TSNARE1: variants seen among roughly 807,000 people sequenced by gnomAD.
TSNARE1 encodes the protein t-SNARE domain containing 1.
In TSNARE1, 49 loss-of-function variants were observed where a neutral mutation model predicts 62.0. The observed-to-expected ratio is 0.79, with a 90% CI of 0.63 to 1.00. The LOEUF is 1.00. Ranked by LOEUF, TSNARE1 falls within the 50% of genes least tolerant of loss-of-function variation. The pLI, the probability that TSNARE1 is intolerant of heterozygous loss-of-function variation, is 0.00. For synonymous variants in TSNARE1, 328 were observed against 294.4 expected (o/e 1.11, Z -1.17); for missense variants, 755 against 700.1 (o/e 1.08, Z -0.88).
intron 9 of TSNARE1, among the ~76,000 whole-genome samples, chr8:142,309,895 T>G (rs1827297288): frequency 1.3e-5 from 2 of 152,330 alleles, no homozygotes; most frequent in East Asian, 3.9e-4. Context: ...TGTGGGATAT[T>G]TTTAAATTAT....
chr8:142,295,519 C>T lies in TSNARE1; in HGVS notation c.1290+4967G>A, dbSNP rs182219328. Among the ~76,000 whole-genome samples the T allele has an allele frequency of 1.6e-3, 246 of 152,346 alleles. 2 individuals carry two copies. The highest frequency in any genetic ancestry group is 5.5e-3 in the African/African-American group (230 of 41,578). On this transcript the variant is annotated intron_variant, in intron 10 of 13. Coordinates refer to ENST00000524325, the MANE Select transcript of TSNARE1 (RefSeq NM_145003.5). ...CCAGCACCATGGAGAGGGCCAGGGC[C>T]CCATGCAGGCCAAAGACGGCTGCCC... is the stretch of plus-strand genomic sequence containing the variant.
At chr8:142,233,443 C>G (rs1263954372) in intron 12 of TSNARE1, among the ~76,000 whole-genome samples, 2 of 152,208 alleles carry the variant, frequency 1.3e-5, no homozygotes, top group Non-Finnish European at 2.9e-5. Context: ...CGGTTCTACC[C>G]TGCCTCAGTG....
intron 12 of TSNARE1, among the ~76,000 whole-genome samples, chr8:142,240,269 T>G (rs1563770253): frequency 6.6e-6 from 1 of 152,266 alleles, no homozygotes; most frequent in Non-Finnish European, 1.5e-5. Flanking sequence ...CACTTTATAA[T>G]GCTGAAAGGT....
chr8:142,274,212 G>A lies in TSNARE1; in HGVS notation c.1446+569C>T, dbSNP rs932566305. 1.9e-5 allele frequency: 19 copies of A among 985,332 alleles called. No individual in the cohort carries two copies. The African/African-American group carries it at 3.0e-4, about 15-fold the overall frequency. 61.0% of individuals were successfully genotyped at this position (985,332 alleles called of 1,614,324 possible). A position where few individuals can be genotyped will look rare whatever the true frequency, so the allele number is the denominator to read the frequency against. On this transcript the variant is annotated intron_variant, in intron 12 of 13. Coordinates refer to ENST00000524325, the MANE Select transcript of TSNARE1 (RefSeq NM_145003.5). ...CAGAGCCAGTGAGGGGAAGACAGCG[G>A]CTGGGCCTCCATCTCAGCTGGGCCA... is the stretch of plus-strand genomic sequence containing the variant.
At chr8:142,251,118 A>G (rs1818139349) in intron 12 of TSNARE1, among the ~76,000 whole-genome samples, 1 of 152,124 alleles carries the variant, frequency 6.6e-6, no homozygotes, top group African/African-American at 2.4e-5. Context: ...TGAGGCCCAG[A>G]GTCACCGGGC....
chr8:142,339,165 G>A (rs1471877860), intron 4 of TSNARE1, among the ~76,000 whole-genome samples: 1 of 152,104 alleles, frequency 6.6e-6, no homozygotes, highest in Non-Finnish European at 1.5e-5. Flanking sequence ...GCACCACTAG[G>A]GGTCCTCAAG....
At chr8:142,247,085 G>C (rs565643885) in intron 12 of TSNARE1, among the ~76,000 whole-genome samples, 42 of 152,198 alleles carry the variant, frequency 2.8e-4, no homozygotes, top group Non-Finnish European at 5.1e-4. Context: ...TGCCAGTCCT[G>C]AGCCAAAGGT....
In TSNARE1 at chr8:142,380,577, C is replaced by G. The variant is rs552881288; in HGVS notation, c.-40+22527G>C. Among the ~76,000 whole-genome samples the G allele has an allele frequency of 4.0e-5, 6 of 150,688 alleles. No homozygotes were observed. In the South Asian group the frequency reaches 1.3e-3, roughly 32 times the overall value. ...TTCTCACAGCAGCCCCTCCATGGGG[C>G]TCCCCAGCCAGACTGTAGGCTCCCT... On this transcript the variant is annotated intron_variant, in intron 1 of 13. Transcript: ENST00000524325.
At chr8:142,334,532 T>C (rs915204698) in intron 4 of TSNARE1, among the ~76,000 whole-genome samples, 3 of 152,052 alleles carry the variant, frequency 2.0e-5, no homozygotes, top group African/African-American at 7.2e-5. Flanking sequence ...CAAAAAGAAT[T>C]GCCAGAAATA....
chr8:142,220,534 C>T (rs72687312), intron 13 of TSNARE1, among the ~76,000 whole-genome samples: 10,518 of 152,260 alleles, frequency 0.069, 488 homozygotes, highest in Middle Eastern at 0.12. Context: ...CCCGGGTGGC[C>T]TCCAGGTTAG....
chr8:142,231,418 G>A (rs1313115564), intron 12 of TSNARE1, among the ~76,000 whole-genome samples: 2 of 152,178 alleles, frequency 1.3e-5, no homozygotes, highest in Non-Finnish European at 2.9e-5. Flanking sequence ...TAAGGGGTTG[G>A]GGGGTGGCCA....
intron 12 of TSNARE1, among the ~76,000 whole-genome samples, chr8:142,259,797 G>C (rs532903225): frequency 6.6e-6 from 1 of 152,176 alleles, no homozygotes; most frequent in Non-Finnish European, 1.5e-5. Flanking sequence ...TTAGAATACC[G>C]AGTTGCTAAG....
At chr8:142,270,142 C>T (rs1819390061) in intron 12 of TSNARE1, 1 of 985,324 alleles carries the variant, frequency 1.0e-6, no homozygotes, top group Admixed American at 6.1e-5. Context: ...CTCCTGCTCG[C>T]TCCCGACGGC....
intron 12 of TSNARE1, among the ~76,000 whole-genome samples, chr8:142,251,972 G>C (rs1472504333): frequency 6.9e-6 from 1 of 143,890 alleles, no homozygotes; most frequent in Non-Finnish European, 1.5e-5. Context: ...TCTGTCTTCA[G>C]GGCCCGGGCA....
rs1816352233 is a variant in TSNARE1, at chr8:142,222,332, T to TCATC, written c.*11+7140_*11+7141insGATG. Among the ~76,000 whole-genome samples, 3 of 28,174 alleles carry TCATC rather than the reference T, an allele frequency of 1.1e-4. 1 individual carries two copies. The South Asian group carries it at 3.1e-3, about 29-fold the overall frequency. 18.5% of individuals were successfully genotyped at this position (28,174 alleles called of 152,430 possible). A position where few individuals can be genotyped will look rare whatever the true frequency, so the allele number is the denominator to read the frequency against. On this transcript the variant is annotated intron_variant, in intron 13 of 13. Transcript: ENST00000524325. ...CTCACTCATCCACTAATTCACTCAC[T>TCATC]CGCTCACTCATCCACTCACTCACTC... is the stretch of plus-strand genomic sequence containing the variant.
At chr8:142,323,793 T>C (rs574015833) in intron 6 of TSNARE1, among the ~76,000 whole-genome samples, 2 of 152,234 alleles carry the variant, frequency 1.3e-5, no homozygotes, top group Admixed American at 6.5e-5. Flanking sequence ...CAACAACAAA[T>C]AGAGTGCCCC....
intron 12 of TSNARE1, among the ~76,000 whole-genome samples, chr8:142,244,950 C>G (rs959309326): frequency 1.3e-5 from 2 of 152,244 alleles, no homozygotes; most frequent in Non-Finnish European, 2.9e-5. Flanking sequence ...GGAGCCCACG[C>G]ACCTGTGTGC....
chr8:142,270,030 CA>C, intron 12 of TSNARE1: 1 of 985,462 alleles, frequency 1.0e-6, no homozygotes, highest in Non-Finnish European at 1.2e-6. Context: ...GCCTCCCACT[CA>C]AGCCAGTCAG....
intron 10 of TSNARE1, among the ~76,000 whole-genome samples, chr8:142,287,304 G>C (rs1328113509): frequency 7.1e-6 from 1 of 141,096 alleles, no homozygotes; most frequent in Non-Finnish European, 1.5e-5. Flanking sequence ...CCAGGACCCC[G>C]GCCAGATCTC....
Sources: gnomAD v4.1 joint callset for allele counts (sites outside exome capture counted in the v4.1 genomes callset) on GRCh38, gnomAD v4.1.1 for gene constraint, MANE v1.5 for transcripts, NCBI Gene and HGNC (gene_info 2026-07-23, HGNC 2026-07-21) for gene names.